CHRNA4: variants seen among roughly 807,000 people sequenced by gnomAD.
The protein encoded by CHRNA4 is neuronal acetylcholine receptor subunit alpha-4.
CHRNA4 carries 28 observed loss-of-function variants against 48.9 expected under a neutral mutation model. The ratio of observed to expected loss-of-function variants is 0.57; its 90% CI spans 0.42 to 0.79. The LOEUF (loss-of-function observed/expected upper bound fraction) is 0.79, where lower values mean the gene tolerates loss of function less well. CHRNA4 is among the 30% of genes least tolerant of loss of function. The pLI is 0.00. For missense variants in CHRNA4, 859 were observed against 898.4 expected (o/e 0.96, Z 0.56); for synonymous variants, 425 against 402.3 (o/e 1.06, Z -0.68).
At position 63,361,272 on chromosome 20, in the gene CHRNA4, C is replaced by T; in HGVS notation, c.-107G>A. On this transcript the variant is annotated 5_prime_UTR_variant, in exon 1 of 6. Coordinates refer to ENST00000370263, the MANE Select transcript of CHRNA4 (RefSeq NM_000744.7). ...GCCTCCCGCGCCTCGCGGGCCGCTT[C>T]GGCCGCCGGGCCCGGTTCGTCTTCT... The T allele has an allele frequency of 7.2e-7, 1 of 1,379,756 alleles. No individual in the cohort carries two copies. The highest frequency in any genetic ancestry group is 1.5e-5 in the South Asian group (1 of 64,910). The allele number at this position is 1,379,756 out of a possible 1,614,324, so 85.5% of individuals were successfully genotyped here.
chr20:63,359,818 T>G, intron 1 of CHRNA4, 119 bp from the exon 2 acceptor site: 1 of 1,261,140 alleles, frequency 7.9e-7, no homozygotes, highest in Non-Finnish European at 1.1e-6. Flanking sequence ...TTTCAGCTCC[T>G]CACATGAGCC....
rs560023282 is a variant in CHRNA4 at position 63,348,167 on chromosome 20, C to T, written c.1759-1304G>A. Reference sequence around the variant, plus strand: ...ACAAGCCCAGAACCAGGTCAGGCAGCGGCAGCAATCGGCCCGAGAAGGCTG... The same window carrying T: ...ACAAGCCCAGAACCAGGTCAGGCAGTGGCAGCAATCGGCCCGAGAAGGCTG... On this transcript the variant is annotated intron_variant, in intron 5 of 5. Coordinates refer to ENST00000370263, the MANE Select transcript of CHRNA4 (RefSeq NM_000744.7). Among the ~76,000 whole-genome samples the T allele has an allele frequency of 2.6e-5, 4 of 152,328 alleles. No individual in the cohort carries two copies. The South Asian group carries it at 6.2e-4, about 24-fold the overall frequency.
rs77183293 is a variant in CHRNA4, at chr20:63,358,652, C to A, written c.228+896G>T. On this transcript the variant is annotated intron_variant, in intron 2 of 5. Coordinates refer to ENST00000370263, the MANE Select transcript of CHRNA4 (RefSeq NM_000744.7). ...GGCTGCCCACTCGCAAGTGGGCCAG[C>A]TCCCAGAGACCATGGCCTGCCCAAC... Among the ~76,000 whole-genome samples, 165 of 152,332 alleles carry A rather than the reference C, an allele frequency of 1.1e-3. 1 individual carries two copies. Among genetic ancestry groups the A allele is most frequent in the Non-Finnish European group, 1.7e-3 (114 of 68,018 alleles).
intron 4 of CHRNA4, chr20:63,355,699 A>C: frequency 1.1e-6 from 1 of 897,654 alleles, no homozygotes; most frequent in Non-Finnish European, 1.6e-6. Flanking sequence ...AGCCACTCTC[A>C]GGCCCCTCCG....
chr20:63,360,132 G>C, intron 1 of CHRNA4: 1 of 246,012 alleles, frequency 4.1e-6, no homozygotes, highest in East Asian at 1.0e-4. Context: ...GGGAAGGGCT[G>C]TGTCTCTAGC....
At chr20:63,359,947 T>C in intron 1 of CHRNA4, 1 of 415,982 alleles carries the variant, frequency 2.4e-6, no homozygotes, top group East Asian at 4.6e-5. Context: ...TGGCGTGCGC[T>C]GACCTCTCTT....
At chr20:63,359,746 G>A (rs1463931713) in intron 1 of CHRNA4, 47 bp from the exon 2 acceptor site, 5 of 1,590,558 alleles carry the variant, frequency 3.1e-6, no homozygotes, top group Non-Finnish European at 4.3e-6. Flanking sequence ...CGGGACAGGA[G>A]CCGGGAGCTG....
chr20:63,346,176 A>G lies in CHRNA4; in HGVS notation c.*562T>C, dbSNP rs765502566. The G allele has an allele frequency of 2.2e-6, 1 of 454,120 alleles. No homozygotes were observed. The highest frequency in any genetic ancestry group is 1.6e-5 in the South Asian group (1 of 64,476). 28.1% of individuals were successfully genotyped at this position (454,120 alleles called of 1,614,324 possible). On this transcript the variant is annotated 3_prime_UTR_variant, in exon 6 of 6. Transcript: ENST00000370263. ...ACAACCAAACACAATCCCTGCCTGG[A>G]CCCTCTCCTAGCGAAGCAGATTGGA... is the stretch of plus-strand genomic sequence containing the variant.
Position 63,343,431 on chromosome 20 carries a change from G to A in CHRNA4, c.*3307C>T, listed in dbSNP as rs1357751112. ...TGATCCAGCATTTCTGGTGCAAGGTGAAAGGACTCAGCCACTTTAGAAATC... is the reference window on the plus strand; with the variant it reads ...TGATCCAGCATTTCTGGTGCAAGGTAAAAGGACTCAGCCACTTTAGAAATC... On this transcript the variant is annotated 3_prime_UTR_variant, in exon 6 of 6. Coordinates refer to ENST00000370263, the MANE Select transcript of CHRNA4 (RefSeq NM_000744.7). 1 of 454,042 alleles carries A rather than the reference G, an allele frequency of 2.2e-6. No homozygotes were observed. The highest frequency in any genetic ancestry group is 2.0e-5 in the African/African-American group (1 of 50,020). 28.1% of individuals were successfully genotyped at this position (454,042 alleles called of 1,614,324 possible). A position where few individuals can be genotyped will look rare whatever the true frequency, so the allele number is the denominator to read the frequency against.
In CHRNA4 at chr20:63,350,289, G is replaced by A. The variant is rs2068569883; in HGVS notation, c.1122C>T (p.Ser374=). ...VKDNCRRLIE[S]MHKMASAPRF... ...GCGGGGCACTGGCCATCTTATGCAT[G>A]GACTCGATGAGCCGCCGGCAATTGT... The change falls in exon 5 of 6, where the codon TCC becomes TCT. Residue 374 remains serine, a synonymous_variant. Transcript: ENST00000370263. The A allele has an allele frequency of 6.2e-7, 1 of 1,612,594 alleles. No individual in the cohort carries two copies. Among genetic ancestry groups the A allele is most frequent in the African/African-American group, 1.3e-5 (1 of 74,926 alleles).
At chr20:63,353,701 T>TA (rs1431557996) in intron 4 of CHRNA4, among the ~76,000 whole-genome samples, 3 of 28,860 alleles carry the variant, frequency 1.0e-4, no homozygotes, top group Non-Finnish European at 1.8e-4. Context: ...GCTGTGGTCC[T>TA]GGGGGGGCTG....
chr20:63,346,672 G>C lies in CHRNA4; in HGVS notation c.*66C>G, dbSNP rs1195312436. On this transcript the variant is annotated 3_prime_UTR_variant, in exon 6 of 6. Transcript: ENST00000370263. The stretch of plus-strand genomic sequence containing the variant: ...CCAGGGAGAAGCCAGCCCGGCCCCA[G>C]GCCGGCCGCATGGATGCTGGCCCCG... The C allele has an allele frequency of 6.4e-7, 1 of 1,552,858 alleles. No individual in the cohort carries two copies. The highest frequency in any genetic ancestry group is 8.7e-7 in the Non-Finnish European group (1 of 1,155,548).
intron 1 of CHRNA4, among the ~76,000 whole-genome samples, chr20:63,360,730 G>A (rs1318184568): frequency 1.3e-5 from 2 of 152,222 alleles, no homozygotes; most frequent in Non-Finnish European, 2.9e-5. Flanking sequence ...GAGGAAGCAG[G>A]CATGGGGGTC....
intron 5 of CHRNA4, among the ~76,000 whole-genome samples, chr20:63,348,582 C>T (rs2068531786): frequency 6.6e-6 from 1 of 152,212 alleles, no homozygotes. Flanking sequence ...GAGGTGGCCC[C>T]TTCAGACGGA....
intron 2 of CHRNA4, 70 bp from the exon 3 acceptor site, chr20:63,356,485 C>T (rs2068721037): frequency 1.4e-6 from 2 of 1,455,792 alleles, no homozygotes; most frequent in African/African-American, 1.4e-5. Flanking sequence ...GTTTCCTCAT[C>T]TACAGCCACT....
intron 2 of CHRNA4, chr20:63,359,272 G>C: frequency 2.0e-6 from 1 of 504,804 alleles, no homozygotes. Flanking sequence ...TGCTTCCGAA[G>C]GTGCCTGGGC....
At chr20:63,351,307 G>A (rs1006802812) in intron 4 of CHRNA4, among the ~76,000 whole-genome samples, 7 of 141,826 alleles carry the variant, frequency 4.9e-5, no homozygotes, top group East Asian at 4.3e-4. Flanking sequence ...AAGGGCTGGC[G>A]GCCTTGCCCG....
chr20:63,360,566 C>T (rs2068801640), intron 1 of CHRNA4, among the ~76,000 whole-genome samples: 1 of 152,182 alleles, frequency 6.6e-6, no homozygotes, highest in Non-Finnish European at 1.5e-5. Context: ...CCTGAGAGCG[C>T]AGACAGGACT....
At chr20:63,352,558 C>T (rs1358469663) in intron 4 of CHRNA4, among the ~76,000 whole-genome samples, 4 of 152,194 alleles carry the variant, frequency 2.6e-5, no homozygotes, top group South Asian at 2.1e-4. Context: ...CGGGGCTTTA[C>T]CACCAAGTCA....
Sources: allele counts gnomAD v4.1 joint callset (sites outside exome capture counted in the v4.1 genomes callset), GRCh38; gene constraint gnomAD v4.1.1; transcripts MANE v1.5; gene names NCBI Gene and HGNC (gene_info 2026-07-23, HGNC 2026-07-21).